The following UBR7 variants were observed in gnomAD, a reference collection of about 807,000 sequenced individuals.
UBR7 encodes the protein ubiquitin protein ligase E3 component n-recognin 7.
Under a neutral mutation model 57.0 loss-of-function variants are expected in UBR7, and 22 were observed. The observed-to-expected ratio is 0.39, with a 90% CI of 0.28 to 0.55. The LOEUF (loss-of-function observed/expected upper bound fraction) is 0.55. Among genes scored for constraint, UBR7 ranks in the 20% least tolerant of loss-of-function variants. The pLI, the probability that UBR7 is intolerant of heterozygous loss-of-function variation, is 0.69. For synonymous variants in UBR7, 167 were observed against 179.8 expected (o/e 0.93, Z 0.57); for missense variants, 395 against 513.2 (o/e 0.77, Z 2.23).
In UBR7 at chr14:93,227,118, G is replaced by C; in HGVS notation, c.*83G>C. On this transcript the variant is annotated 3_prime_UTR_variant, in exon 11 of 11. Transcript: ENST00000013070. ...ATAAAAGAGGTGTGGTTCACATTTG[G>C]CCCCCTTTCCGTCCTCCTCTGTTTG... The C allele has an allele frequency of 8.9e-7, 1 of 1,118,574 alleles. No individual in the cohort carries two copies. The highest frequency in any genetic ancestry group is 1.3e-6 in the Non-Finnish European group (1 of 756,654). 69.3% of individuals were successfully genotyped at this position (1,118,574 alleles called of 1,614,324 possible).
chr14:93,215,422 A>T, intron 6 of UBR7, 141 bp downstream of exon 6: 1 of 815,552 alleles, frequency 1.2e-6, no homozygotes, highest in Non-Finnish European at 2.1e-6. Flanking sequence ...ATGGTGGCTC[A>T]CGCCTGTAAT....
intron 6 of UBR7, among the ~76,000 whole-genome samples, chr14:93,217,605 C>T (rs967877733): frequency 6.6e-6 from 1 of 152,154 alleles, no homozygotes; most frequent in Admixed American, 6.5e-5. Context: ...CTAACAAGTA[C>T]AGTACAATAT....
chr14:93,223,248 T>G (rs78399657), intron 10 of UBR7, among the ~76,000 whole-genome samples: 3,606 of 151,934 alleles, frequency 0.024, 161 homozygotes, highest in African/African-American at 0.083. Flanking sequence ...ATACACAAAT[T>G]AGCTGGGTAT....
At chr14:93,211,898 C>A in intron 3 of UBR7, 134 bp from the exon 4 acceptor site, 3 of 637,922 alleles carry the variant, frequency 4.7e-6, no homozygotes, top group Non-Finnish European at 7.6e-6. Context: ...TTTTTTTTTT[C>A]CTACTTTGAA....
At chr14:93,223,825 G>A (rs942151005) in intron 10 of UBR7, 53 of 746,920 alleles carry the variant, frequency 7.1e-5, no homozygotes, top group Admixed American at 7.1e-5. Context: ...GGGTAACAGC[G>A]CCCGCGGTGG....
chr14:93,208,634 C>T (rs1894417663), intron 1 of UBR7, among the ~76,000 whole-genome samples: 1 of 151,168 alleles, frequency 6.6e-6, no homozygotes, highest in Non-Finnish European at 1.5e-5. Flanking sequence ...GTTCCCACAA[C>T]CCAGATCAAC....
At chr14:93,218,475 T>G in intron 6 of UBR7, 52 bp from the exon 7 acceptor site, 2 of 1,449,418 alleles carry the variant, frequency 1.4e-6, no homozygotes, top group Non-Finnish European at 1.9e-6. Flanking sequence ...TTATTGTCCG[T>G]TAGGTCAGTG....
chr14:93,210,169 C>T (rs577086380), intron 2 of UBR7, among the ~76,000 whole-genome samples: 28 of 152,004 alleles, frequency 1.8e-4, no homozygotes, highest in African/African-American at 5.8e-4. Context: ...CTGCAAGCTC[C>T]GTCTCCCGGG....
At chr14:93,213,314 C>CG (rs753111318) in intron 4 of UBR7, among the ~76,000 whole-genome samples, 23 of 150,240 alleles carry the variant, frequency 1.5e-4, no homozygotes, top group Non-Finnish European at 2.7e-4. Context: ...TCTTTTTTTT[C>CG]ATTTTTTTTT....
rs1209467085 is a variant in UBR7 at position 93,207,350 on chromosome 14, T to C, written c.59T>C (p.Leu20Ser). The change falls in exon 1 of 11, where the codon TTG (leucine) becomes TCG (serine). Residue 20 changes from leucine to serine, a missense_variant. Transcript: ENST00000013070. ...RQSELEPVVS[L>S]VDVLEEDEEL... is the part of the protein sequence containing the mutation. ...TCGGAGCTGGAGCCCGTGGTATCGTTGGTCGACGTCCTTGAGGAGGACGAG... is the reference window on the plus strand; with the variant it reads ...TCGGAGCTGGAGCCCGTGGTATCGTCGGTCGACGTCCTTGAGGAGGACGAG... 2 of 1,558,416 alleles carry C rather than the reference T, an allele frequency of 1.3e-6. No individual in the cohort carries two copies. The highest frequency in any genetic ancestry group is 1.7e-6 in the Non-Finnish European group (2 of 1,150,940).
intron 10 of UBR7, chr14:93,223,526 C>CT (rs893510961): frequency 7.2e-5 from 45 of 626,290 alleles, no homozygotes; most frequent in South Asian, 9.0e-5. Context: ...TCATTTTTTC[C>CT]TTTTTTTTCT....
intron 6 of UBR7, among the ~76,000 whole-genome samples, chr14:93,215,579 C>T (rs999159079): frequency 1.3e-5 from 2 of 151,410 alleles, no homozygotes; most frequent in East Asian, 1.9e-4. Context: ...ATCCCAGCTA[C>T]TCCAGAGGCT....
intron 6 of UBR7, among the ~76,000 whole-genome samples, chr14:93,217,215 A>AG (rs1894608950): frequency 6.6e-6 from 1 of 151,268 alleles, no homozygotes; most frequent in Non-Finnish European, 1.5e-5. Flanking sequence ...TTAGTAGAGA[A>AG]GGGGTTTCAC....
Position 93,207,728 on chromosome 14 carries a change from CTCT to C in UBR7, c.150+292_150+294del, listed in dbSNP as rs1343966703. Among the ~76,000 whole-genome samples, 5 of 152,334 alleles carry C rather than the reference CTCT, an allele frequency of 3.3e-5. No individual in the cohort carries two copies. The South Asian group carries it at 6.2e-4, about 19-fold the overall frequency. Reference sequence around the variant, plus strand: ...AGCTGCTCTGTCCGTCCTCTCCAGCCTCTTCTTGGTGCACCACTGCTTTTCACG... The same window carrying C: ...AGCTGCTCTGTCCGTCCTCTCCAGCCTCTTGGTGCACCACTGCTTTTCACG... On this transcript the variant is annotated intron_variant, in intron 1 of 10. Transcript: ENST00000013070.
rs754953234 is a variant in UBR7 at position 93,219,319 on chromosome 14, C to A, written c.918C>A (p.Pro306=). 1.2e-6 allele frequency: 2 copies of A among 1,614,090 alleles called. No homozygotes were observed. The highest frequency in any genetic ancestry group is 1.7e-6 in the Non-Finnish European group (2 of 1,180,022). Residue 306 remains proline (P), a synonymous_variant, in exon 8 of 11, where the codon CCC becomes CCA. Transcript: ENST00000013070. ...AGAAAGACACTGCCACCTATTGGCC[C>A]CTGAACTGGCGTAGCAAGTTGTGTA... ...LIKKDTATYW[P]LNWRSKLCTC...
In UBR7 at chr14:93,207,420, C is replaced by A. The variant is rs868301591; in HGVS notation, c.129C>A (p.Ser43=). 1 of 1,553,950 alleles carries A rather than the reference C, an allele frequency of 6.4e-7. No homozygotes were observed. Among genetic ancestry groups the A allele is most frequent in the African/African-American group, 1.4e-5 (1 of 73,084 alleles). The change falls in exon 1 of 11, where the codon TCC becomes TCA. Residue 43 remains serine (S), a synonymous_variant. Transcript: ENST00000013070. ...EACAVLGGSD[S]EKCSYSQGSV... is the part of the protein sequence containing the mutation. ...GCGCTGTCCTGGGCGGCAGCGACTC[C>A]GAGAAGTGCTCCTACTCTCAGGTGG...
At chr14:93,211,009 AAACAAT>A (rs1209309032) in intron 3 of UBR7, among the ~76,000 whole-genome samples, 2 of 152,170 alleles carry the variant, frequency 1.3e-5, no homozygotes, top group Non-Finnish European at 2.9e-5. Flanking sequence ...TATGACTTAA[AAACAAT>A]AAATAGGGTC....
At chr14:93,219,973 CAA>C (rs11442565) in intron 8 of UBR7, among the ~76,000 whole-genome samples, 1 of 142,428 alleles carries the variant, frequency 7.0e-6, no homozygotes. Flanking sequence ...AACTCCATCT[CAA>C]AAAAAAAAAA....
chr14:93,223,470 A>G (rs1894755029), intron 10 of UBR7: 2 of 486,842 alleles, frequency 4.1e-6, no homozygotes, highest in Non-Finnish European at 3.7e-6. Context: ...GGCTGGCTTG[A>G]GCCCTGCTTT....
Sources: gnomAD v4.1 joint callset for allele counts (sites outside exome capture counted in the v4.1 genomes callset) on GRCh38, gnomAD v4.1.1 for gene constraint, MANE v1.5 for transcripts, NCBI Gene and HGNC (gene_info 2026-07-23, HGNC 2026-07-21) for gene names.